Variants in TMCO4 observed in about 807,000 individuals in gnomAD.
TMCO4 encodes transmembrane and coiled-coil domain-containing protein 4.
A neutral mutation model predicts 64.7 loss-of-function variants in TMCO4; 58 were observed. The observed-to-expected ratio is 0.90, with a 90% CI of 0.73 to 1.12. The LOEUF (loss-of-function observed/expected upper bound fraction) is 1.12. Ranked by LOEUF, TMCO4 falls within the 50% of genes most tolerant of loss-of-function variation. TMCO4 has a pLI of 0.00. For synonymous variants in TMCO4, 325 were observed against 346.1 expected (o/e 0.94, Z 0.68); for missense variants, 780 against 825.9 (o/e 0.94, Z 0.68).
In TMCO4 at chr1:19,705,539, A is replaced by C. The variant is rs1570692352; in HGVS notation, c.1265-4654T>G. On this transcript the variant is annotated intron_variant, in intron 13 of 15. Transcript: ENST00000294543. ...ATAAAAAAATAAAAAAAAGAATTGCAAAAAAAAAAACAACTCATGTTTTAG... is the reference window on the plus strand; with the variant it reads ...ATAAAAAAATAAAAAAAAGAATTGCCAAAAAAAAAACAACTCATGTTTTAG... Among the ~76,000 whole-genome samples the C allele has an allele frequency of 2.8e-5, 4 of 144,424 alleles. No individual in the cohort carries two copies. The East Asian group carries it at 8.1e-4, about 29-fold the overall frequency. 94.7% of individuals were successfully genotyped at this position (144,424 alleles called of 152,430 possible).
At chr1:19,715,958 T>C (rs1234467365) in intron 13 of TMCO4, among the ~76,000 whole-genome samples, 5 of 151,858 alleles carry the variant, frequency 3.3e-5, no homozygotes, top group Non-Finnish European at 5.9e-5. Context: ...GAGCCATGAG[T>C]ATGGGACTCT....
At position 19,784,882 on chromosome 1, in the gene TMCO4, A is replaced by AC. The variant is rs1179656896; in HGVS notation, c.-9+2143dup. Among the ~76,000 whole-genome samples the AC allele has an allele frequency of 5.3e-5, 8 of 151,388 alleles. No individual in the cohort carries two copies. The South Asian group carries it at 1.0e-3, about 20-fold the overall frequency. On this transcript the variant is annotated intron_variant, in intron 3 of 15. Coordinates refer to ENST00000294543, the MANE Select transcript of TMCO4 (RefSeq NM_181719.7). ...AAAAAAAAAAAAATTTCGCAAGACA[A>AC]CCTCATAATGTTTTAAGAAAGTCTA...
At chr1:19,720,328 T>C (rs2095376553) in intron 13 of TMCO4, among the ~76,000 whole-genome samples, 1 of 152,120 alleles carries the variant, frequency 6.6e-6, no homozygotes, top group Admixed American at 6.5e-5. Flanking sequence ...AATTGTCCTA[T>C]GAAGAAAGTA....
At chr1:19,784,406 T>C (rs567930806) in intron 3 of TMCO4, among the ~76,000 whole-genome samples, 3 of 152,242 alleles carry the variant, frequency 2.0e-5, no homozygotes, top group East Asian at 3.9e-4. Context: ...TGGTTGGGTG[T>C]GCCTGTAATC....
chr1:19,767,744 G>A (rs946409799), intron 6 of TMCO4, among the ~76,000 whole-genome samples: 1 of 152,162 alleles, frequency 6.6e-6, no homozygotes, highest in South Asian at 2.1e-4. Context: ...CTGCTGCTGT[G>A]TGTCTGCAAG....
In TMCO4 at chr1:19,740,890, C is replaced by T. The variant is rs969315481; in HGVS notation, c.929G>A (p.Cys310Tyr). ...AALAHSREQY[C>Y]LAWEAKYLME... ...CAGGTACTTGGCTTCCCAGGCCAGG[C>T]AGTACTGCTCACGGCTGTGGGCCAG... The change falls in exon 11 of 16, where the codon TGC (cysteine) becomes TAC (tyrosine). Residue 310 changes from cysteine to tyrosine, a missense_variant. By Grantham distance (194) the Cys-to-Tyr change is radical. Transcript: ENST00000294543. 1 of 1,614,040 alleles carries T rather than the reference C, an allele frequency of 6.2e-7. No homozygotes were observed. The highest frequency in any genetic ancestry group is 8.5e-7 in the Non-Finnish European group (1 of 1,179,980).
At chr1:19,749,501 G>A (rs1345880217) in intron 7 of TMCO4, among the ~76,000 whole-genome samples, 1 of 152,080 alleles carries the variant, frequency 6.6e-6, no homozygotes, top group Non-Finnish European at 1.5e-5. Flanking sequence ...CCATGTAGCT[G>A]GGATTATAGA....
chr1:19,745,205 T>C (rs1452744905), intron 10 of TMCO4, among the ~76,000 whole-genome samples: 1 of 145,312 alleles, frequency 6.9e-6, no homozygotes, highest in Non-Finnish European at 1.5e-5. Context: ...AGTAGATGGA[T>C]GGATGGATAG....
At chr1:19,757,382 T>C (rs2042312635) in intron 6 of TMCO4, among the ~76,000 whole-genome samples, 2 of 152,180 alleles carry the variant, frequency 1.3e-5, no homozygotes, top group African/African-American at 4.8e-5. Context: ...CATGGTCACA[T>C]GTCCTGCTCT....
At chr1:19,721,027 G>C (rs2095380275) in intron 13 of TMCO4, among the ~76,000 whole-genome samples, 3 of 152,152 alleles carry the variant, frequency 2.0e-5, no homozygotes, top group Non-Finnish European at 4.4e-5. Context: ...ATGAGACTTT[G>C]GGGTGTTTTC....
chr1:19,760,392 T>C (rs1041811871), intron 6 of TMCO4, among the ~76,000 whole-genome samples: 1 of 152,156 alleles, frequency 6.6e-6, no homozygotes, highest in Admixed American at 6.5e-5. Context: ...TCCTAGTCTC[T>C]TACCATGAGT....
chr1:19,786,018 G>A (rs2228701), intron 3 of TMCO4, among the ~76,000 whole-genome samples: 120,744 of 152,144 alleles, frequency 0.79, 49,210 homozygotes, highest in Non-Finnish European at 0.89. Flanking sequence ...GAGAGCTTTC[G>A]GAGGCTGAGG....
intron 14 of TMCO4, among the ~76,000 whole-genome samples, chr1:19,695,923 C>G (rs1369790352): frequency 1.3e-5 from 2 of 152,142 alleles, no homozygotes; most frequent in African/African-American, 2.4e-5. Flanking sequence ...CTATGGCCAA[C>G]GTATCAGAGT....
chr1:19,714,556 C>T (rs1254432860), intron 13 of TMCO4, among the ~76,000 whole-genome samples: 1 of 152,172 alleles, frequency 6.6e-6, no homozygotes, highest in Admixed American at 6.5e-5. Flanking sequence ...CTCATCTTTA[C>T]AGCTACTCAT....
chr1:19,690,451 C>G (rs1456346181), intron 15 of TMCO4, among the ~76,000 whole-genome samples: 1 of 152,232 alleles, frequency 6.6e-6, no homozygotes, highest in Non-Finnish European at 1.5e-5. Context: ...GCCACTTTCC[C>G]CTCGAGGCAA....
At chr1:19,749,728 A>C (rs188879317) in intron 7 of TMCO4, among the ~76,000 whole-genome samples, 3 of 152,324 alleles carry the variant, frequency 2.0e-5, no homozygotes, top group Admixed American at 2.0e-4. Context: ...TCTATGCCCC[A>C]AAACCAGCGA....
At chr1:19,777,414 C>T (rs1411964420) in intron 4 of TMCO4, among the ~76,000 whole-genome samples, 1 of 150,124 alleles carries the variant, frequency 6.7e-6, no homozygotes, top group Non-Finnish European at 1.5e-5. Flanking sequence ...GTGGCACGAT[C>T]ACAGCTCACT....
intron 2 of TMCO4, among the ~76,000 whole-genome samples, chr1:19,791,047 C>G (rs114094158): frequency 0.03 from 4,550 of 152,236 alleles, 233 homozygotes; most frequent in African/African-American, 0.1. Flanking sequence ...CCTCAGCAAA[C>G]TAATTCAGTA....
intron 6 of TMCO4, among the ~76,000 whole-genome samples, chr1:19,770,188 A>G (rs1274451533): frequency 1.3e-5 from 2 of 152,224 alleles, no homozygotes; most frequent in Admixed American, 6.5e-5. Context: ...ACTGCTGGCC[A>G]GAGTGGTGGC....
Sources: allele counts gnomAD v4.1 joint callset (sites outside exome capture counted in the v4.1 genomes callset), GRCh38; gene constraint gnomAD v4.1.1; transcripts MANE v1.5; gene names NCBI Gene and HGNC (gene_info 2026-07-23, HGNC 2026-07-21).